Variants in LRRC8A observed in about 807,000 individuals in gnomAD.
LRRC8A encodes leucine rich repeat containing 8 VRAC subunit A, also known as volume-regulated anion channel subunit LRRC8A.
Under a neutral mutation model 52.5 loss-of-function variants are expected in LRRC8A, and 24 were observed. That is an observed-to-expected ratio of 0.46 (90% CI 0.33 to 0.64). The LOEUF (loss-of-function observed/expected upper bound fraction) is 0.64, where lower values mean the gene tolerates loss of function less well. Ranked by LOEUF, LRRC8A falls within the 30% of genes least tolerant of loss-of-function variation. The pLI, the probability that LRRC8A is intolerant of heterozygous loss-of-function variation, is 0.02. For synonymous variants in LRRC8A, 492 were observed against 494.2 expected (o/e 1.00, Z 0.06); for missense variants, 677 against 1,094.7 (o/e 0.62, Z 5.38).
rs150331308 is a variant in LRRC8A at position 128,882,718 on chromosome 9, C to T, written c.-116+468C>T. On this transcript the variant is annotated intron_variant, in intron 1 of 3. Transcript: ENST00000372600. ...CTTCCCTTGCACCCCTCCTTCCTATCGTTCCGATGGGGGCAGTGCCCTGAC... is the reference window on the plus strand; with the variant it reads ...CTTCCCTTGCACCCCTCCTTCCTATTGTTCCGATGGGGGCAGTGCCCTGAC... 2.8e-5 allele frequency: 11 copies of T among 398,966 alleles called. No individual in the cohort carries two copies. In the East Asian group the frequency reaches 3.9e-4, roughly 14 times the overall value. The allele number at this position is 398,966 out of a possible 1,614,324, so 24.7% of individuals were successfully genotyped here.
intron 1 of LRRC8A, among the ~76,000 whole-genome samples, chr9:128,883,388 G>T (rs528580451): frequency 2.0e-4 from 31 of 152,378 alleles, no homozygotes; most frequent in African/African-American, 7.2e-4. Context: ...AGCGGGAGGA[G>T]ATCGGCTGTT....
chr9:128,913,549 C>T (rs1246201880), intron 3 of LRRC8A, among the ~76,000 whole-genome samples: 3 of 152,250 alleles, frequency 2.0e-5, no homozygotes, highest in South Asian at 4.1e-4. Flanking sequence ...GAGTACCTCC[C>T]CTTTTCTCTC....
rs1392523042 is a variant in LRRC8A at position 128,902,614 on chromosome 9, T to C, written c.-8-4543T>C. ...ACTTGGGGGCAGGCAGGCTGCTGCA[T>C]GCACCGGGCTCCTCTCCTCCCTCTT... On this transcript the variant is annotated intron_variant, in intron 2 of 3. Coordinates refer to ENST00000372600, the MANE Select transcript of LRRC8A (RefSeq NM_019594.4). The surrounding 1 kb of genome is among the most constrained non-coding windows in gnomAD (Gnocchi z 4.1). Among the ~76,000 whole-genome samples, 2 of 152,198 alleles carry C rather than the reference T, an allele frequency of 1.3e-5. No individual in the cohort carries two copies. The highest frequency in any genetic ancestry group is 2.9e-5 in the Non-Finnish European group (2 of 68,024).
Position 128,882,159 on chromosome 9 carries a change from A to C in LRRC8A, c.-207A>C, listed in dbSNP as rs1839045286. On this transcript the variant is annotated 5_prime_UTR_variant, in exon 1 of 4. Transcript: ENST00000372600. ...AGTGGTGCAGTGAGGGACAAACAAA[A>C]GGAGGCGCCGGAGCAGCGCTGCGGC... 6.6e-6 allele frequency: 1 copy of C among 152,396 alleles called. No individual in the cohort carries two copies. The highest frequency in any genetic ancestry group is 6.5e-5 in the Admixed American group (1 of 15,274). The allele number at this position is 152,396 out of a possible 1,614,324, so 9.4% of individuals were successfully genotyped here.
At chr9:128,886,856 G>A (rs549846048) in intron 2 of LRRC8A, among the ~76,000 whole-genome samples, 3 of 152,320 alleles carry the variant, frequency 2.0e-5, no homozygotes, top group Admixed American at 6.5e-5. Context: ...GACCATTTGA[G>A]GATGCTTAGG....
intron 1 of LRRC8A, chr9:128,883,027 G>A (rs1839171104): frequency 2.8e-6 from 1 of 360,146 alleles, no homozygotes; most frequent in Non-Finnish European, 5.0e-6. Flanking sequence ...TCTGGACCGG[G>A]GTGAACCGAG....
At chr9:128,885,831 T>C (rs1304919036) in intron 1 of LRRC8A, among the ~76,000 whole-genome samples, 184 bp from the exon 2 acceptor site, 1 of 152,068 alleles carries the variant, frequency 6.6e-6, no homozygotes, top group Non-Finnish European at 1.5e-5. Context: ...ATCACTTGAA[T>C]GCGGGAGGCG....
intron 2 of LRRC8A, among the ~76,000 whole-genome samples, chr9:128,900,463 C>T (rs1035274577): frequency 1.2e-4 from 19 of 152,284 alleles, no homozygotes; most frequent in African/African-American, 3.6e-4. Flanking sequence ...AATCCCAGCA[C>T]TTTGGGAAGC....
intron 2 of LRRC8A, among the ~76,000 whole-genome samples, chr9:128,904,923 G>C (rs1317425775): frequency 6.6e-6 from 1 of 151,246 alleles, no homozygotes; most frequent in Admixed American, 6.6e-5. Flanking sequence ...GCGTGAATCT[G>C]GGAGGCGGAG....
rs370106656 is a variant in LRRC8A, at chr9:128,891,454, C to T, written c.-9+5333C>T. Among the ~76,000 whole-genome samples, 8 of 151,772 alleles carry T rather than the reference C, an allele frequency of 5.3e-5. No individual in the cohort carries two copies. In the East Asian group the frequency reaches 1.2e-3, roughly 22 times the overall value. ...GCACATGCCTGTAGTTTCAGCTACT[C>T]GGAGGCTGAGGCTGGAGGATCGCTT... is the stretch of plus-strand genomic sequence containing the variant. On this transcript the variant is annotated intron_variant, in intron 2 of 3. Coordinates refer to ENST00000372600, the MANE Select transcript of LRRC8A (RefSeq NM_019594.4).
At position 128,908,335 on chromosome 9, in the gene LRRC8A, G is replaced by A. The variant is rs763087796; in HGVS notation, c.1171G>A (p.Ala391Thr). The A allele has an allele frequency of 3.7e-6, 6 of 1,614,048 alleles. No individual in the cohort carries two copies. The highest frequency in any genetic ancestry group is 1.6e-4 in the Middle Eastern group (1 of 6,062). ...CGACCCGCTCTACTCCAAGCGCTTC[G>A]CCGTCTTCCTGTCGGAGGTGAGTGA... ...QYDPLYSKRF[A>T]VFLSEVSENK... The change falls in exon 3 of 4, where the codon GCC (alanine) becomes ACC (threonine). Residue 391 changes from alanine to threonine, a missense_variant. Coordinates refer to ENST00000372600, the MANE Select transcript of LRRC8A (RefSeq NM_019594.4).
chr9:128,890,697 G>C (rs905474880), intron 2 of LRRC8A, among the ~76,000 whole-genome samples: 2 of 152,192 alleles, frequency 1.3e-5, no homozygotes, highest in African/African-American at 4.8e-5. Context: ...GGCTTGGCCA[G>C]TGCCCACTCC....
Position 128,908,864 on chromosome 9 carries a change from T to G in LRRC8A, c.1700T>G (p.Val567Gly), listed in dbSNP as rs1840372213. 1.9e-6 allele frequency: 3 copies of G among 1,613,644 alleles called. No homozygotes were observed. In the African/African-American group the frequency reaches 4.0e-5, roughly 22 times the overall value. The stretch of plus-strand genomic sequence containing the variant: ...CCACAGGTGGTCACAGATGTGGGCG[T>G]GCACCTGCAGAAGCTGTCCATCAAC... ...KLPQVVTDVGVHLQKLSINNE... is the reference protein window; with the variant it reads ...KLPQVVTDVGGHLQKLSINNE... The change falls in exon 3 of 4, where the codon GTG (valine) becomes GGG (glycine). Residue 567 changes from valine (V) to glycine (G), a missense_variant. Coordinates refer to ENST00000372600, the MANE Select transcript of LRRC8A (RefSeq NM_019594.4).
Position 128,907,447 on chromosome 9 carries a change from A to G in LRRC8A, c.283A>G (p.Thr95Ala). The change falls in exon 3 of 4, where the codon ACA (threonine) becomes GCA (alanine). Residue 95 changes from threonine (T) to alanine (A), a missense_variant. Physicochemically the swap from Thr to Ala is moderately conservative, Grantham distance 58. Coordinates refer to ENST00000372600, the MANE Select transcript of LRRC8A (RefSeq NM_019594.4). The surrounding 1 kb of genome is among the most constrained non-coding windows in gnomAD (Gnocchi z 9.3). ...TCTGCCGACCCCTGACACGGGCCCCACAGGCATCAAGTATGACCTGGACCG... is the reference window on the plus strand; with the variant it reads ...TCTGCCGACCCCTGACACGGGCCCCGCAGGCATCAAGTATGACCTGGACCG... ...TILPTPDTGPTGIKYDLDRHQ... is the reference protein window; with the variant it reads ...TILPTPDTGPAGIKYDLDRHQ... 6.2e-7 allele frequency: 1 copy of G among 1,613,728 alleles called. No individual in the cohort carries two copies. Among genetic ancestry groups the G allele is most frequent in the Admixed American group, 1.7e-5 (1 of 60,004 alleles).
rs368054918 is a variant in LRRC8A at position 128,908,080 on chromosome 9, C to T, written c.916C>T (p.Arg306Cys). ...GGACATTGAGAGCCTGACGGGCTAC[C>T]GCACCTACCGCTGTGCCCACCCCCT... ...TVDIESLTGY[R>C]TYRCAHPLAT... The change falls in exon 3 of 4, where the codon CGC becomes TGC. Residue 306 changes from arginine to cysteine, a missense_variant. Arg to Cys is a radical substitution (Grantham distance 180). Coordinates refer to ENST00000372600, the MANE Select transcript of LRRC8A (RefSeq NM_019594.4). 1.3e-5 allele frequency: 21 copies of T among 1,613,906 alleles called. No homozygotes were observed. Among genetic ancestry groups the T allele is most frequent in the Admixed American group, 1.0e-4 (6 of 59,992 alleles).
At chr9:128,883,522 G>T (rs1291476192) in intron 1 of LRRC8A, among the ~76,000 whole-genome samples, 2 of 152,360 alleles carry the variant, frequency 1.3e-5, no homozygotes, top group Admixed American at 6.5e-5. Context: ...GGCTCATGAA[G>T]TGAGGCAAGG....
intron 2 of LRRC8A, among the ~76,000 whole-genome samples, chr9:128,897,655 C>T (rs1336087442): frequency 6.6e-6 from 1 of 152,034 alleles, no homozygotes; most frequent in Non-Finnish European, 1.5e-5. Context: ...AGTGATTGTC[C>T]TGCCTCAGCC....
At chr9:128,890,303 G>A (rs1839564969) in intron 2 of LRRC8A, among the ~76,000 whole-genome samples, 1 of 152,044 alleles carries the variant, frequency 6.6e-6, no homozygotes, top group Non-Finnish European at 1.5e-5. Flanking sequence ...CTTGCGTCTT[G>A]CAGCAAGTTT....
chr9:128,900,430 T>A (rs1266336224), intron 2 of LRRC8A, among the ~76,000 whole-genome samples: 1 of 152,350 alleles, frequency 6.6e-6, no homozygotes, highest in South Asian at 2.1e-4. Context: ...ATTTGGGGGC[T>A]GGACGCAGTG....
Sources: gnomAD v4.1 joint callset for allele counts (sites outside exome capture counted in the v4.1 genomes callset) on GRCh38, gnomAD v4.1.1 for gene constraint, Gnocchi (gnomAD v3.1) non-coding constraint, MANE v1.5 for transcripts, NCBI Gene and HGNC (gene_info 2026-07-23, HGNC 2026-07-21) for gene names.